Variants in TRIM6 observed in about 807,000 individuals in gnomAD.
TRIM6 encodes the protein tripartite motif containing 6.
TRIM6 carries 43 observed loss-of-function variants against 51.2 expected under a neutral mutation model. The observed-to-expected ratio is 0.84, with a 90% CI of 0.66 to 1.08. The LOEUF is 1.08. Ranked by LOEUF, TRIM6 falls within the 50% of genes least tolerant of loss-of-function variation. The probability of loss-of-function intolerance (pLI) is 0.00; values close to 1 mark genes in which losing one functional copy is unlikely to be tolerated. For missense variants in TRIM6, 669 were observed against 619.0 expected (o/e 1.08, Z -0.86); for synonymous variants, 215 against 232.4 (o/e 0.93, Z 0.68).
chr11:5,605,959 A>T (rs769366963), intron 4 of TRIM6, among the ~76,000 whole-genome samples: 5 of 152,146 alleles, frequency 3.3e-5, no homozygotes, highest in African/African-American at 7.2e-5. Flanking sequence ...GCCTCTGCTC[A>T]CTAGATGTCA....
At chr11:5,606,889 G>T (rs1026073290) in intron 4 of TRIM6, among the ~76,000 whole-genome samples, 5 of 152,122 alleles carry the variant, frequency 3.3e-5, no homozygotes, top group African/African-American at 1.2e-4. Flanking sequence ...CCATATCTGT[G>T]TGAATTGTTG....
chr11:5,610,412 G>T, intron 6 of TRIM6, 123 bp from the exon 7 acceptor site: 1 of 1,588,896 alleles, frequency 6.3e-7, no homozygotes, highest in Non-Finnish European at 8.6e-7. Context: ...AAGGGGAGAT[G>T]AAATGGCCAG....
intron 4 of TRIM6, 76 bp from the exon 5 acceptor site, chr11:5,608,296 G>T: frequency 6.3e-7 from 1 of 1,594,988 alleles, no homozygotes; most frequent in South Asian, 1.1e-5. Context: ...TCATGGGGTA[G>T]GGGACATGGA....
intron 1 of TRIM6, among the ~76,000 whole-genome samples, chr11:5,598,312 A>C (rs939747324): frequency 6.6e-6 from 1 of 152,118 alleles, no homozygotes; most frequent in Non-Finnish European, 1.5e-5. Flanking sequence ...CCTCCTTCAC[A>C]ATTTCTTTCC....
chr11:5,605,612 G>A (rs1414931383), intron 4 of TRIM6, 45 bp downstream of exon 4: 2 of 1,561,444 alleles, frequency 1.3e-6, no homozygotes, highest in Non-Finnish European at 1.7e-6. Flanking sequence ...AAGGAAAAGA[G>A]AAACTAACTT....
intron 1 of TRIM6, among the ~76,000 whole-genome samples, chr11:5,602,356 T>C (rs990666773): frequency 6.6e-6 from 1 of 151,954 alleles, no homozygotes; most frequent in African/African-American, 2.4e-5. Flanking sequence ...GGCAGGAGAA[T>C]GGCTTGAACC....
upstream of TRIM6, chr11:5,596,533 CCT>C (rs1564858739): frequency 1.1e-4 from 3 of 26,858 alleles, no homozygotes; most frequent in Non-Finnish European, 2.4e-4. Context: ...CCCCCTTCCC[CCT>C]TCCCCCTTCC....
chr11:5,610,902 A>G lies in TRIM6; in HGVS notation c.1111A>G (p.Ser371Gly). ...PSCLEKHYDCSVLGSQHFSSG... is the reference protein window; with the variant it reads ...PSCLEKHYDCGVLGSQHFSSG... ...CTGTCTGGAAAAGCATTATGACTGT[A>G]GTGTCCTGGGCTCCCAGCACTTCTC... is the stretch of plus-strand genomic sequence containing the variant. The change falls in exon 8 of 8, where the codon AGT becomes GGT. Residue 371 changes from serine to glycine, a missense_variant. Ser to Gly is a moderately conservative substitution (Grantham distance 56, BLOSUM62 0). Coordinates refer to ENST00000380097, the MANE Select transcript of TRIM6 (RefSeq NM_001003818.3). 6.2e-7 allele frequency: 1 copy of G among 1,614,196 alleles called. No individual in the cohort carries two copies. Among genetic ancestry groups the G allele is most frequent in the Non-Finnish European group, 8.5e-7 (1 of 1,180,040 alleles).
At chr11:5,602,639 G>A (rs184991836) in intron 1 of TRIM6, among the ~76,000 whole-genome samples, 10 of 151,548 alleles carry the variant, frequency 6.6e-5, no homozygotes, top group Non-Finnish European at 1.5e-4. Context: ...TTAACATTGA[G>A]GATATGTTTT....
chr11:5,601,184 A>C (rs914785659), intron 1 of TRIM6, among the ~76,000 whole-genome samples: 2 of 152,152 alleles, frequency 1.3e-5, no homozygotes, highest in African/African-American at 4.8e-5. Context: ...CTTCGAAAGC[A>C]CTTGGTCCAT....
rs144298711 is a variant in TRIM6, at chr11:5,597,155, C to T, written c.17+241C>T. Among the ~76,000 whole-genome samples the T allele has an allele frequency of 1.7e-3, 252 of 152,328 alleles. 1 individual carries two copies. The highest frequency in any genetic ancestry group is 5.6e-3 in the African/African-American group (233 of 41,556). Reference sequence around the variant, plus strand: ...GACTGCATGTGTTCAAATCCTGACTCTGACAGACACTGGCTGTGTGCCCGA... The same window carrying T: ...GACTGCATGTGTTCAAATCCTGACTTTGACAGACACTGGCTGTGTGCCCGA... On this transcript the variant is annotated intron_variant, in intron 1 of 7. Transcript: ENST00000380097.
At chr11:5,603,904 C>T (rs969522786) in intron 2 of TRIM6, among the ~76,000 whole-genome samples, 169 bp downstream of exon 2, 3 of 151,892 alleles carry the variant, frequency 2.0e-5, no homozygotes, top group Non-Finnish European at 2.9e-5. Context: ...CTTGCTATTC[C>T]AGATTGAGTA....
At chr11:5,597,467 A>G (rs1321538343) in intron 1 of TRIM6, among the ~76,000 whole-genome samples, 3 of 152,330 alleles carry the variant, frequency 2.0e-5, no homozygotes, top group Admixed American at 2.0e-4. Flanking sequence ...TTATGTTCCA[A>G]TTCAAATATT....
intron 1 of TRIM6, among the ~76,000 whole-genome samples, chr11:5,599,513 C>T (rs981743795): frequency 2.6e-5 from 4 of 152,102 alleles, no homozygotes; most frequent in East Asian, 1.9e-4. Context: ...ACGCCATTCT[C>T]CTGCCTCAGC....
At chr11:5,604,932 C>A in intron 3 of TRIM6, 1 of 434,928 alleles carries the variant, frequency 2.3e-6, no homozygotes. Flanking sequence ...CCCTTGCATT[C>A]AGAGTACAAA....
At position 5,603,493 on chromosome 11, in the gene TRIM6, A is replaced by C; in HGVS notation, c.265A>C (p.Thr89Pro). The C allele has an allele frequency of 6.2e-7, 1 of 1,614,120 alleles. No homozygotes were observed. The highest frequency in any genetic ancestry group is 1.6e-4 in the Middle Eastern group (1 of 6,062). The change falls in exon 2 of 8, where the codon ACC becomes CCC. Residue 89 changes from threonine to proline, a missense_variant. Physicochemically the swap from Thr to Pro is conservative, Grantham distance 38. Coordinates refer to ENST00000380097, the MANE Select transcript of TRIM6 (RefSeq NM_001003818.3). ...EGERSCPVCQ[T>P]SYQPGNLRPN... The stretch of plus-strand genomic sequence containing the variant: ...GGAAAGAAGCTGCCCTGTGTGCCAG[A>C]CCAGCTACCAGCCAGGGAACCTGCG...
chr11:5,607,733 A>G (rs1848310604), intron 4 of TRIM6, among the ~76,000 whole-genome samples: 1 of 152,188 alleles, frequency 6.6e-6, no homozygotes, highest in African/African-American at 2.4e-5. Context: ...AGTGGTTGCT[A>G]GTGTGATTCA....
At chr11:5,604,678 G>A (rs371737190) in intron 3 of TRIM6, 49 bp downstream of exon 3, 108 of 1,585,620 alleles carry the variant, frequency 6.8e-5, no homozygotes, top group Non-Finnish European at 9.2e-5. Context: ...ATCATGGCAG[G>A]TCATAGGAGC....
At chr11:5,603,221 T>C (rs200954808) in intron 1 of TRIM6, 25 bp from the exon 2 acceptor site, 383 of 1,599,696 alleles carry the variant, frequency 2.4e-4, no homozygotes, top group Admixed American at 2.5e-4. Context: ...ACCCTGATCC[T>C]TTTTTTGTTT....
Sources: allele counts gnomAD v4.1 joint callset (sites outside exome capture counted in the v4.1 genomes callset), GRCh38; gene constraint gnomAD v4.1.1; transcripts MANE v1.5; gene names NCBI Gene and HGNC (gene_info 2026-07-23, HGNC 2026-07-21).